KIAA0319: variants seen among roughly 807,000 people sequenced by gnomAD.
KIAA0319 encodes the protein KIAA0319.
A neutral mutation model predicts 108.4 loss-of-function variants in KIAA0319; 83 were observed. The ratio of observed to expected loss-of-function variants is 0.77; its 90% confidence interval spans 0.64 to 0.92. KIAA0319 has a LOEUF of 0.92. Ranked by LOEUF, KIAA0319 falls within the 40% of genes least tolerant of loss-of-function variation. The pLI, the probability that KIAA0319 is intolerant of heterozygous loss-of-function variation, is 0.00. For synonymous variants in KIAA0319, 484 were observed against 510.4 expected (o/e 0.95, Z 0.70); for missense variants, 1,195 against 1,322.4 (o/e 0.90, Z 1.49).
rs750969810 is a variant in KIAA0319, at chr6:24,595,948, TGGAGTAGTC to T, written c.717_725del (p.Thr240_Pro242del). 1.9e-6 allele frequency: 3 copies of T among 1,614,034 alleles called. No individual in the cohort carries two copies. Among genetic ancestry groups the T allele is most frequent in the Non-Finnish European group, 2.5e-6 (3 of 1,180,026 alleles). On this transcript the variant is annotated inframe_deletion, in exon 3 of 21. Transcript: ENST00000378214. ...CTTTCTCCAACACCTCTCCTGAAGATGGAGTAGTCGGCAAGGGAAGCAACACACTTCTCT... is the reference window on the plus strand; with the variant it reads ...CTTTCTCCAACACCTCTCCTGAAGATGGCAAGGGAAGCAACACACTTCTCT...
intron 1 of KIAA0319, among the ~76,000 whole-genome samples, chr6:24,609,794 G>A (rs569455052): frequency 6.6e-6 from 1 of 151,932 alleles, no homozygotes; most frequent in East Asian, 1.9e-4. Context: ...AAGAAACTAT[G>A]AGCCTGACTT....
chr6:24,564,331 C>T lies in KIAA0319; in HGVS notation c.2302G>A (p.Asp768Asn), dbSNP rs1423905880. 6.8e-6 allele frequency: 11 copies of T among 1,614,014 alleles called. No individual in the cohort carries two copies. Among genetic ancestry groups the T allele is most frequent in the African/African-American group, 1.3e-5 (1 of 74,916 alleles). ...AGAGCCACACTGTGGTCAGAGCCATCGATGACATCCTGCGAAAGAACACGG... is the reference window on the plus strand; with the variant it reads ...AGAGCCACACTGTGGTCAGAGCCATTGATGACATCCTGCGAAAGAACACGG... Reference protein sequence around the residue: ...GQSPAAGDVIDGSDHSVALQL... With the variant: ...GQSPAAGDVINGSDHSVALQL... Residue 768 changes from aspartate (D) to asparagine (N), a missense_variant, in exon 15 of 21, where the codon GAT (aspartate) becomes AAT (asparagine). By Grantham distance (23) the Asp-to-Asn change is conservative. Transcript: ENST00000378214.
chr6:24,580,895 A>G (rs374177000), intron 7 of KIAA0319, 31 bp downstream of exon 7: 27 of 1,418,206 alleles, frequency 1.9e-5, no homozygotes, highest in Non-Finnish European at 2.6e-5. Flanking sequence ...AAATATGTAC[A>G]ACAGGAGGTC....
chr6:24,623,299 A>ACC, intron 1 of KIAA0319, among the ~76,000 whole-genome samples: 1 of 152,312 alleles, frequency 6.6e-6, no homozygotes, highest in East Asian at 1.9e-4. Flanking sequence ...GGCATAGGGG[A>ACC]GAGTCCAGAA....
chr6:24,583,478 T>C, intron 5 of KIAA0319, 126 bp downstream of exon 5: 1 of 704,218 alleles, frequency 1.4e-6, no homozygotes. Flanking sequence ...AGCCTTGTCC[T>C]CCACCTTTGT....
intron 1 of KIAA0319, among the ~76,000 whole-genome samples, chr6:24,608,877 G>A (rs1366690903): frequency 8.3e-6 from 1 of 120,984 alleles, no homozygotes; most frequent in East Asian, 2.7e-4. Flanking sequence ...CTTGCAATGA[G>A]CCAAGATCAT....
At chr6:24,600,545 G>A (rs1342265725) in intron 2 of KIAA0319, 2 of 796,416 alleles carry the variant, frequency 2.5e-6, no homozygotes, top group African/African-American at 3.4e-5. Flanking sequence ...CATTATGGCT[G>A]TGTTACATTT....
rs545999207 is a variant in KIAA0319 at position 24,596,355 on chromosome 6, C to T, written c.319G>A (p.Val107Ile). ...RSYLTFVLRP[V>I]QRPAQLLDYG... Reference sequence around the variant, plus strand: ...TCCAGCAGCTGTGCAGGCCTCTGAACAGGCCGGAGCACAAAAGTGAGATAA... The same window carrying T: ...TCCAGCAGCTGTGCAGGCCTCTGAATAGGCCGGAGCACAAAAGTGAGATAA... The change falls in exon 3 of 21, where the codon GTT (valine) becomes ATT (isoleucine). Residue 107 changes from valine (V) to isoleucine (I), a missense_variant. Val to Ile is a conservative substitution (Grantham distance 29). Transcript: ENST00000378214. 3.1e-6 allele frequency: 5 copies of T among 1,614,254 alleles called. No individual in the cohort carries two copies. The African/African-American group carries it at 4.0e-5, about 13-fold the overall frequency.
rs141059601 is a variant in KIAA0319 at position 24,636,259 on chromosome 6, T to C, written c.-106+9477A>G. 5.6e-3 allele frequency among the ~76,000 whole-genome samples: 859 copies of C among 152,346 alleles called. 8 individuals carry two copies. The highest frequency in any genetic ancestry group is 0.019 in the African/African-American group (787 of 41,572). ...CCAAAACAGGTATCAACAGATGACA[T>C]TGTGGGTTTCCCACAGGATTTTAGG... On this transcript the variant is annotated intron_variant, in intron 1 of 20. Transcript: ENST00000378214.
Position 24,571,594 on chromosome 6 carries a change from C to G in KIAA0319, c.1858+981G>C, listed in dbSNP as rs181055245. ...TCATCTATTGTCATTCCAATCCCTGCCCAACCTCCCCACCACCTCCCATTC... is the reference window on the plus strand; with the variant it reads ...TCATCTATTGTCATTCCAATCCCTGGCCAACCTCCCCACCACCTCCCATTC... On this transcript the variant is annotated intron_variant, in intron 11 of 20. Transcript: ENST00000378214. Among the ~76,000 whole-genome samples the G allele has an allele frequency of 6.7e-4, 102 of 152,214 alleles. 1 individual carries two copies. In the East Asian group the frequency reaches 0.017, roughly 26 times the overall value.
chr6:24,591,174 C>G (rs1267807073), intron 3 of KIAA0319, among the ~76,000 whole-genome samples: 3 of 152,262 alleles, frequency 2.0e-5, no homozygotes, highest in East Asian at 1.9e-4. Context: ...ATGCATAGTA[C>G]TGTTATGAAC....
At chr6:24,600,784 T>C in intron 2 of KIAA0319, 1 of 808,286 alleles carries the variant, frequency 1.2e-6, no homozygotes, top group Middle Eastern at 2.4e-4. Context: ...ATGCAATTCT[T>C]TTCAATATAT....
In KIAA0319 at chr6:24,595,893, T is replaced by G. The variant is rs1769463786; in HGVS notation, c.781A>C (p.Ser261Arg). The part of the protein sequence containing the change: ...EKASQLQEQS[S>R]NSSGKEVLMP... Reference sequence around the variant, plus strand: ...CTCACCTCTTTTCCAGAGCTGTTGCTGGATTGTTCCTGGAGCTGAGAAGCC... The same window carrying G: ...CTCACCTCTTTTCCAGAGCTGTTGCGGGATTGTTCCTGGAGCTGAGAAGCC... Residue 261 changes from serine (S) to arginine (R), a missense_variant, in exon 3 of 21, where the codon AGC becomes CGC. Transcript: ENST00000378214. 6.2e-7 allele frequency: 1 copy of G among 1,606,446 alleles called. No individual in the cohort carries two copies. Among genetic ancestry groups the G allele is most frequent in the Admixed American group, 1.7e-5 (1 of 59,524 alleles).
In KIAA0319 at chr6:24,563,454, C is replaced by G; in HGVS notation, c.2496G>C (p.Gln832His). 1 of 1,613,716 alleles carries G rather than the reference C, an allele frequency of 6.2e-7. No individual in the cohort carries two copies. The highest frequency in any genetic ancestry group is 1.3e-5 in the African/African-American group (1 of 75,066). Residue 832 changes from glutamine to histidine, a missense_variant, in exon 16 of 21, where the codon CAG (glutamine) becomes CAC (histidine). Coordinates refer to ENST00000378214, the MANE Select transcript of KIAA0319 (RefSeq NM_014809.4). Reference protein sequence around the residue: ...LQVGVGQLTEQRKDTLVRQLA... With the variant: ...LQVGVGQLTEHRKDTLVRQLA... The stretch of plus-strand genomic sequence containing the variant: ...GCTGCCTCACAAGGGTGTCCTTCCG[C>G]TGCTCTGTCAGCTGCCCAACACCAA...
chr6:24,605,353 T>C (rs553868610), intron 1 of KIAA0319, among the ~76,000 whole-genome samples: 64 of 152,348 alleles, frequency 4.2e-4, no homozygotes, highest in African/African-American at 1.5e-3. Flanking sequence ...TTGATAGTTC[T>C]GTGAAGTTCA....
Position 24,640,595 on chromosome 6 carries a change from G to A in KIAA0319, c.-106+5141C>T, listed in dbSNP as rs918433781. On this transcript the variant is annotated intron_variant, in intron 1 of 20. Coordinates refer to ENST00000378214, the MANE Select transcript of KIAA0319 (RefSeq NM_014809.4). ...TAGTAGGTGGTGGGGGCATATCGAAGATATTTTTTAAATTTTTTCATTGTG... is the reference window on the plus strand; with the variant it reads ...TAGTAGGTGGTGGGGGCATATCGAAAATATTTTTTAAATTTTTTCATTGTG... Among the ~76,000 whole-genome samples, 8 of 152,132 alleles carry A rather than the reference G, an allele frequency of 5.3e-5. No homozygotes were observed. The East Asian group carries it at 1.5e-3, about 29-fold the overall frequency.
chr6:24,564,428 T>A (rs747812637), intron 14 of KIAA0319, 88 bp from the exon 15 acceptor site: 15 of 1,536,770 alleles, frequency 9.8e-6, no homozygotes, highest in Non-Finnish European at 1.3e-5. Context: ...CAGTGTCCCA[T>A]CTTTTTAACA....
chr6:24,547,529 C>T (rs1485577878), intron 20 of KIAA0319, among the ~76,000 whole-genome samples, 186 bp from the exon 21 acceptor site: 3 of 152,284 alleles, frequency 2.0e-5, no homozygotes, highest in East Asian at 3.9e-4. Flanking sequence ...ATGCCTCACC[C>T]GAGCTTCTGT....
intron 4 of KIAA0319, among the ~76,000 whole-genome samples, chr6:24,588,226 A>C (rs1296591796): frequency 6.6e-6 from 1 of 152,214 alleles, no homozygotes; most frequent in Non-Finnish European, 1.5e-5. Flanking sequence ...CACCTGAACA[A>C]CAGACCAATG....
Sources: allele counts gnomAD v4.1 joint callset (sites outside exome capture counted in the v4.1 genomes callset), GRCh38; gene constraint gnomAD v4.1.1; transcripts MANE v1.5; gene names NCBI Gene and HGNC (gene_info 2026-07-23, HGNC 2026-07-21).